SEC13: variants seen among roughly 807,000 people sequenced by gnomAD.
The protein encoded by SEC13 is protein SEC13 homolog.
A neutral mutation model predicts 49.2 loss-of-function variants in SEC13; 25 were observed. The observed-to-expected ratio is 0.51, with a 90% CI of 0.37 to 0.71. SEC13 has a LOEUF of 0.71. Ranked by LOEUF, SEC13 falls within the 30% of genes least tolerant of loss-of-function variation. The probability of loss-of-function intolerance (pLI) is 0.00; values close to 1 mark genes in which losing one functional copy is unlikely to be tolerated. For missense variants in SEC13, 383 were observed against 417.6 expected (o/e 0.92, Z 0.72); for synonymous variants, 148 against 163.9 (o/e 0.90, Z 0.74).
At chr3:10,308,215 G>A (rs1392627100) in intron 5 of SEC13, among the ~76,000 whole-genome samples, 7 of 151,926 alleles carry the variant, frequency 4.6e-5, no homozygotes, top group Non-Finnish European at 1.0e-4. Flanking sequence ...AAGTTTCCTC[G>A]GATCCCCTGG....
At position 10,310,347 on chromosome 3, in the gene SEC13, C is replaced by T. The variant is rs918807198; in HGVS notation, c.450+1618G>A. Among the ~76,000 whole-genome samples the T allele has an allele frequency of 9.2e-5, 14 of 152,166 alleles. No homozygotes were observed. The East Asian group carries it at 1.5e-3, about 17-fold the overall frequency. On this transcript the variant is annotated intron_variant, in intron 5 of 8. Coordinates refer to ENST00000350697, the MANE Select transcript of SEC13 (RefSeq NM_183352.3). ...CTCTACTACAAATACAAAAATTAGC[C>T]GGGTGTTGTGGCGTGTGCCTGTAAT... is the stretch of plus-strand genomic sequence containing the variant.
Position 10,312,680 on chromosome 3 carries a change from T to C in SEC13, c.215A>G (p.Asn72Ser). ...GTCATAGGAGCACGATGCCAGGATG[T>C]TGCCGTACATGGGGTGAGCCCAGGC... ...QVAWAHPMYG[N>S]ILASCSYDRK... Residue 72 changes from asparagine (N) to serine (S), a missense_variant, in exon 4 of 9, where the codon AAC (asparagine) becomes AGC (serine). Physicochemically the swap from Asn to Ser is conservative, Grantham distance 46. Transcript: ENST00000350697. 1 of 1,614,174 alleles carries C rather than the reference T, an allele frequency of 6.2e-7. No homozygotes were observed. Among genetic ancestry groups the C allele is most frequent in the Non-Finnish European group, 8.5e-7 (1 of 1,180,040 alleles).
intron 1 of SEC13, 64 bp from the exon 2 acceptor site, chr3:10,318,158 C>T (rs897280385): frequency 1.8e-6 from 2 of 1,092,524 alleles, no homozygotes; most frequent in Non-Finnish European, 1.4e-6. Context: ...ATCTCAAGTT[C>T]TTGACTGCAT....
chr3:10,308,933 A>ATT (rs56801249), intron 5 of SEC13, among the ~76,000 whole-genome samples: 4,672 of 102,190 alleles, frequency 0.046, 300 homozygotes, highest in African/African-American at 0.088. Context: ...CCTGGCCTTG[A>ATT]TTTTTTTTTT....
intron 5 of SEC13, among the ~76,000 whole-genome samples, chr3:10,311,042 AC>A (rs1701221113): frequency 6.8e-6 from 1 of 147,980 alleles, no homozygotes; most frequent in African/African-American, 2.5e-5. Flanking sequence ...AAAAAAAAAA[AC>A]AACTCCCAGC....
At chr3:10,313,381 C>T (rs529896735) in intron 3 of SEC13, 240 of 524,868 alleles carry the variant, frequency 4.6e-4, no homozygotes, top group African/African-American at 4.1e-3. Flanking sequence ...GGAGACCAGA[C>T]CCATTCTCCC....
At chr3:10,310,412 A>G in intron 5 of SEC13, among the ~76,000 whole-genome samples, 1 of 151,996 alleles carries the variant, frequency 6.6e-6, no homozygotes, top group African/African-American at 2.4e-5. Flanking sequence ...AATTGCTTGA[A>G]CCTGGGAGGC....
chr3:10,305,195 T>C, intron 6 of SEC13, 39 bp from the exon 7 acceptor site: 3 of 1,574,186 alleles, frequency 1.9e-6, no homozygotes, highest in Non-Finnish European at 1.7e-6. Context: ...CAGGGGGCCG[T>C]TCCCACACCT....
Position 10,321,096 on chromosome 3 carries a change from C to CGGCGGCGCCTCGGAACAGCTCACT in SEC13, c.-45_-44insAGTGAGCTGTTCCGAGGCGCCGCC. On this transcript the variant is annotated 5_prime_UTR_variant, in exon 1 of 9. Transcript: ENST00000350697. The surrounding 1 kb of genome is among the most constrained non-coding windows in gnomAD (Gnocchi z 4.1). ...TCCAGGTCTCGGACGTGGCAGCTCC[C>CGGCGGCGCCTCGGAACAGCTCACT]GGCGGCGCCTCGGAACAGCTCACTT... 1 of 1,612,092 alleles carries CGGCGGCGCCTCGGAACAGCTCACT rather than the reference C, an allele frequency of 6.2e-7. No homozygotes were observed. The highest frequency in any genetic ancestry group is 8.5e-7 in the Non-Finnish European group (1 of 1,179,428).
intron 5 of SEC13, 179 bp downstream of exon 5, chr3:10,311,786 G>A (rs775820245): frequency 1.4e-6 from 2 of 1,454,504 alleles, no homozygotes; most frequent in African/African-American, 1.4e-5. Flanking sequence ...AGCCCTGCCT[G>A]GTCTGGCTTC....
At chr3:10,313,633 C>T in intron 3 of SEC13, 1 of 214,540 alleles carries the variant, frequency 4.7e-6, no homozygotes, top group South Asian at 6.9e-5. Context: ...CCCTACAAAG[C>T]TGCTGCTAAT....
Position 10,315,418 on chromosome 3 carries a change from A to AGGCGG in SEC13, c.66_67insCCGCC (p.Tyr23ProfsTer86). Reference sequence around the variant, plus strand: ...CAGGTTGCCAGGCGGGTGCCATAGTAGTCCATCTGGGCGTCGTGCTGCAAA... The same window carrying AGGCGG: ...CAGGTTGCCAGGCGGGTGCCATAGTAGGCGGGTCCATCTGGGCGTCGTGCTGCAAA... On this transcript the variant is annotated frameshift_variant, in exon 3 of 9. Coordinates refer to ENST00000350697, the MANE Select transcript of SEC13 (RefSeq NM_183352.3). LOFTEE classifies it high-confidence loss of function. 7.2e-7 allele frequency: 1 copy of AGGCGG among 1,386,428 alleles called. No homozygotes were observed. The allele number at this position is 1,386,428 out of a possible 1,614,324, so 85.9% of individuals were successfully genotyped here. A position where few individuals can be genotyped will look rare whatever the true frequency, so the allele number is the denominator to read the frequency against.
intron 8 of SEC13, among the ~76,000 whole-genome samples, chr3:10,303,165 A>C (rs1700648700): frequency 6.6e-6 from 1 of 152,238 alleles, no homozygotes; most frequent in Non-Finnish European, 1.5e-5. Context: ...GAAAGGTAAG[A>C]CATGGAGCCA....
chr3:10,307,054 T>C (rs977915106), intron 5 of SEC13, among the ~76,000 whole-genome samples: 1 of 86,624 alleles, frequency 1.2e-5, no homozygotes, highest in African/African-American at 3.4e-5. Context: ...TTATTAACAA[T>C]TTTTTTTTTT....
intron 1 of SEC13, chr3:10,319,217 T>C: frequency 1.9e-6 from 3 of 1,613,630 alleles, no homozygotes; most frequent in Non-Finnish European, 2.5e-6. Flanking sequence ...AGGCAGACAG[T>C]GGAAGAGGAT....
rs565236207 is a variant in SEC13, at chr3:10,305,607, A to C, written c.536T>G (p.Ile179Ser). The change falls in exon 6 of 9, where the codon ATC becomes AGC. Residue 179 changes from isoleucine (I) to serine (S), a missense_variant. Physicochemically the swap from Ile to Ser is moderately radical, Grantham distance 142. Transcript: ENST00000350697. ...ACAGCCACCTGATGCAAACCTCTTG[A>C]TGTAATTGGGTTTCTGCCCCGATGG... Reference protein sequence around the residue: ...DHPSGQKPNYIKRFASGGCDN... With the variant: ...DHPSGQKPNYSKRFASGGCDN... 121 of 1,614,134 alleles carry C rather than the reference A, an allele frequency of 7.5e-5. No homozygotes were observed. The South Asian group carries it at 8.7e-4, about 12-fold the overall frequency.
rs374384300 is a variant in SEC13 at position 10,301,060 on chromosome 3, G to T, written c.*201C>A. On this transcript the variant is annotated 3_prime_UTR_variant, in exon 9 of 9. Coordinates refer to ENST00000350697, the MANE Select transcript of SEC13 (RefSeq NM_183352.3). ...ACTTGTAGTTTCTTCCTCGTAACAT[G>T]AGTGCTTTCAGCTGGACAGTAGATT... 23 of 1,607,002 alleles carry T rather than the reference G, an allele frequency of 1.4e-5. No individual in the cohort carries two copies. In the African/African-American group the frequency reaches 2.5e-4, roughly 18 times the overall value.
At chr3:10,319,328 A>G (rs778015303) in intron 1 of SEC13, 87 of 1,560,250 alleles carry the variant, frequency 5.6e-5, no homozygotes, top group Middle Eastern at 1.7e-4. Flanking sequence ...TGCAAAGGCA[A>G]GTAAGGACAA....
At chr3:10,320,699 C>G in intron 1 of SEC13, 6 of 1,150,598 alleles carry the variant, frequency 5.2e-6, no homozygotes, top group Non-Finnish European at 6.4e-6. Context: ...ACCTTCTTCA[C>G]AAGGCTGTTA....
Sources: gnomAD v4.1 joint callset for allele counts (sites outside exome capture counted in the v4.1 genomes callset) on GRCh38, gnomAD v4.1.1 for gene constraint, Gnocchi (gnomAD v3.1) non-coding constraint, MANE v1.5 for transcripts, NCBI Gene and HGNC (gene_info 2026-07-23, HGNC 2026-07-21) for gene names.